The following LY96 variants were observed in gnomAD, a reference collection of about 807,000 sequenced individuals.
LY96 encodes the protein myeloid differentiation protein-2.
LY96 carries 18 observed loss-of-function variants against 18.9 expected under a neutral mutation model. That is an observed-to-expected ratio of 0.95 (90% CI 0.66 to 1.41). The LOEUF is 1.41. Among genes scored for constraint, LY96 ranks in the 40% most tolerant of loss-of-function variants. The probability of loss-of-function intolerance (pLI) is 0.00; values close to 1 mark genes in which losing one functional copy is unlikely to be tolerated. For missense variants in LY96, 175 were observed against 182.4 expected (o/e 0.96, Z 0.23); for synonymous variants, 66 against 62.6 (o/e 1.06, Z -0.26).
At chr8:74,011,840 C>T (rs1200797187) in intron 3 of LY96, among the ~76,000 whole-genome samples, 1 of 128,784 alleles carries the variant, frequency 7.8e-6, no homozygotes, top group Non-Finnish European at 1.6e-5. Flanking sequence ...GCCCAGGTGA[C>T]AGAGTGAGAC....
At chr8:73,999,587 C>T (rs1370690895) in intron 1 of LY96, among the ~76,000 whole-genome samples, 1 of 152,180 alleles carries the variant, frequency 6.6e-6, no homozygotes, top group African/African-American at 2.4e-5. Context: ...TATTTAGTAA[C>T]ATTACTGATT....
the LY96 span, among the ~76,000 whole-genome samples, chr8:74,037,328 G>A: frequency 6.6e-6 from 1 of 152,228 alleles, no homozygotes; most frequent in African/African-American, 2.4e-5. Flanking sequence ...CAGAAGAATG[G>A]TGAGTCTAAA....
chr8:73,995,282 C>T (rs547472311), intron 1 of LY96, among the ~76,000 whole-genome samples: 32 of 152,332 alleles, frequency 2.1e-4, no homozygotes, highest in African/African-American at 7.5e-4. Context: ...TACCCAGACA[C>T]CAATAATCTG....
At chr8:74,015,945 G>A (rs760340396) in intron 3 of LY96, among the ~76,000 whole-genome samples, 2 of 151,974 alleles carry the variant, frequency 1.3e-5, no homozygotes, top group South Asian at 2.1e-4. Context: ...CAGCGTGATC[G>A]ACACAGAAGA....
chr8:73,996,372 C>CCTTCCTTCCTTCCTTCCTTTCTTTCTTT, intron 1 of LY96, among the ~76,000 whole-genome samples: 1 of 110,910 alleles, frequency 9.0e-6, no homozygotes, highest in Non-Finnish European at 1.9e-5. Flanking sequence ...TTCCTTCATT[C>CCTTCCTTCCTTCCTTCCTTTCTTTCTTT]CTTTCTTTCT....
chr8:74,017,948 T>A lies in LY96; in HGVS notation c.331+7819T>A, dbSNP rs578080329. ...ACTGGTACCAGCCACTGCAAAAATA[T>A]GCCAAATTGTAGCGACTATTGATGC... is the stretch of plus-strand genomic sequence containing the variant. On this transcript the variant is annotated intron_variant, in intron 3 of 4. Coordinates refer to ENST00000284818, the MANE Select transcript of LY96 (RefSeq NM_015364.5). Among the ~76,000 whole-genome samples the A allele has an allele frequency of 3.3e-5, 5 of 152,298 alleles. No homozygotes were observed. The East Asian group carries it at 9.6e-4, about 29-fold the overall frequency.
the LY96 span, among the ~76,000 whole-genome samples, chr8:74,069,654 G>A: frequency 6.6e-6 from 1 of 152,102 alleles, no homozygotes; most frequent in Middle Eastern, 3.2e-3. Flanking sequence ...CCAGGCTGGA[G>A]TGCAATGGTG....
intron 2 of LY96, among the ~76,000 whole-genome samples, chr8:74,006,271 C>T (rs1437296711): frequency 6.6e-6 from 1 of 152,104 alleles, no homozygotes; most frequent in Non-Finnish European, 1.5e-5. Context: ...CTCGTCGGCT[C>T]ACTGCAGCCT....
At chr8:74,046,089 G>A in the LY96 span, among the ~76,000 whole-genome samples, 1 of 152,186 alleles carries the variant, frequency 6.6e-6, no homozygotes, top group South Asian at 2.1e-4. Flanking sequence ...GACAAGGCTG[G>A]ATAACACAGT....
At chr8:74,014,189 T>G (rs940202563) in intron 3 of LY96, among the ~76,000 whole-genome samples, 17 of 151,360 alleles carry the variant, frequency 1.1e-4, no homozygotes, top group Admixed American at 1.1e-3. Context: ...TCCTAGCACT[T>G]TGGGAGGCTG....
chr8:74,065,556 T>C, the LY96 span, among the ~76,000 whole-genome samples: 1 of 152,210 alleles, frequency 6.6e-6, no homozygotes, highest in East Asian at 1.9e-4. Context: ...ACTTATCCTG[T>C]GGGCTTTGTA....
the LY96 span, among the ~76,000 whole-genome samples, chr8:74,051,854 G>A: frequency 6.6e-6 from 1 of 152,072 alleles, no homozygotes; most frequent in African/African-American, 2.4e-5. Flanking sequence ...TGCTTGAGCC[G>A]CCCAGTCTAT....
At chr8:74,026,572 T>G (rs1026911770) in intron 3 of LY96, among the ~76,000 whole-genome samples, 1 of 152,168 alleles carries the variant, frequency 6.6e-6, no homozygotes, top group Non-Finnish European at 1.5e-5. Flanking sequence ...TTGTGTCCCC[T>G]AAGGGATAAG....
chr8:74,077,598 C>T, the LY96 span, among the ~76,000 whole-genome samples: 1 of 151,428 alleles, frequency 6.6e-6, no homozygotes, highest in African/African-American at 2.4e-5. Context: ...GAGAAGGGCT[C>T]AAAGAGATTC....
the LY96 span, among the ~76,000 whole-genome samples, chr8:74,093,823 A>T: frequency 6.6e-6 from 1 of 152,192 alleles, no homozygotes; most frequent in African/African-American, 2.4e-5. Flanking sequence ...ATCTAAAAAT[A>T]ATAATTTAAG....
At chr8:74,004,328 G>A (rs1816362724) in intron 1 of LY96, among the ~76,000 whole-genome samples, 1 of 152,160 alleles carries the variant, frequency 6.6e-6, no homozygotes, top group African/African-American at 2.4e-5. Context: ...ACAGAAGCCA[G>A]TCCTCTGGGG....
At position 74,026,804 on chromosome 8, in the gene LY96, C is replaced by T. The variant is rs1816881025; in HGVS notation, c.347C>T (p.Thr116Ile). Reference sequence around the variant, plus strand: ...TTGTTTGCAGAGACTGTGAATACAACAATATCATTCTCCTTCAAGGGAATA... The same window carrying T: ...TTGTTTGCAGAGACTGTGAATACAATAATATCATTCTCCTTCAAGGGAATA... ...RALKGETVNT[T>I]ISFSFKGIKF... The change falls in exon 4 of 5, where the codon ACA (threonine) becomes ATA (isoleucine). Residue 116 changes from threonine (T) to isoleucine (I), a missense_variant. Physicochemically the swap from Thr to Ile is moderately conservative, Grantham distance 89. Transcript: ENST00000284818. 1 of 1,531,298 alleles carries T rather than the reference C, an allele frequency of 6.5e-7. No individual in the cohort carries two copies. The highest frequency in any genetic ancestry group is 9.0e-7 in the Non-Finnish European group (1 of 1,105,286). The allele number at this position is 1,531,298 out of a possible 1,614,324, so 94.9% of individuals were successfully genotyped here. A position where few individuals can be genotyped will look rare whatever the true frequency, so the allele number is the denominator to read the frequency against.
At chr8:74,096,668 C>T in the LY96 span, among the ~76,000 whole-genome samples, 1 of 152,056 alleles carries the variant, frequency 6.6e-6, no homozygotes, top group African/African-American at 2.4e-5. Context: ...CAGCCATTTC[C>T]CACTAGAATG....
At chr8:74,095,764 C>A in the LY96 span, among the ~76,000 whole-genome samples, 1 of 152,146 alleles carries the variant, frequency 6.6e-6, no homozygotes, top group Non-Finnish European at 1.5e-5. Context: ...GACCTTAGAT[C>A]GCTCCTTTTT....
Sources: gnomAD v4.1 joint callset for allele counts (sites outside exome capture counted in the v4.1 genomes callset) on GRCh38, gnomAD v4.1.1 for gene constraint, MANE v1.5 for transcripts, NCBI Gene and HGNC (gene_info 2026-07-23, HGNC 2026-07-21) for gene names.